The following LCT variants were observed in gnomAD, a reference collection of about 807,000 sequenced individuals.
LCT encodes the protein lactase.
LCT carries 90 observed loss-of-function variants against 173.0 expected under a neutral mutation model. The ratio of observed to expected loss-of-function variants is 0.52; its 90% CI spans 0.44 to 0.62. The LOEUF is 0.62. Ranked by LOEUF, LCT falls within the 20% of genes least tolerant of loss-of-function variation. LCT has a pLI of 0.00. For missense variants in LCT, 1,864 were observed against 2,431.4 expected (o/e 0.77, Z 4.91); for synonymous variants, 853 against 957.6 (o/e 0.89, Z 2.02).
At chr2:135,819,946 G>A (rs1276808401) in intron 5 of LCT, among the ~76,000 whole-genome samples, 1 of 152,118 alleles carries the variant, frequency 6.6e-6, no homozygotes, top group Non-Finnish European at 1.5e-5. Context: ...GGGAACCCTG[G>A]GTTTGCCGGC....
Position 135,808,411 on chromosome 2 carries a change from AT to A in LCT, c.3904+31del, listed in dbSNP as rs764994458. ...CATATGACCCAGGGAATGTTGGAAG[AT>A]TTCTTTAAGGGGAACTGAACCCTCA... is the stretch of plus-strand genomic sequence containing the variant. On this transcript the variant is annotated intron_variant, in intron 8 of 16. Transcript: ENST00000264162. 2.6e-6 allele frequency: 4 copies of A among 1,547,618 alleles called. No homozygotes were observed. The Admixed American group carries it at 5.0e-5, about 19-fold the overall frequency.
chr2:135,804,230 A>C, intron 10 of LCT, 102 bp from the exon 11 acceptor site: 1 of 917,786 alleles, frequency 1.1e-6, no homozygotes, highest in Non-Finnish European at 1.8e-6. Context: ...CCTGAGAGTG[A>C]CTTATGAGAC....
chr2:135,832,180 C>A (rs996725854), intron 2 of LCT, among the ~76,000 whole-genome samples: 4 of 151,772 alleles, frequency 2.6e-5, no homozygotes, highest in Admixed American at 1.3e-4. Flanking sequence ...CGTGCCACTG[C>A]ACTCCAGCCT....
chr2:135,800,467 C>T, intron 12 of LCT, 140 bp downstream of exon 12: 1 of 765,032 alleles, frequency 1.3e-6, no homozygotes, highest in South Asian at 1.5e-5. Flanking sequence ...TCAAGAAATC[C>T]TCCTGCCTCA....
chr2:135,792,463 G>A (rs2077540106), intron 14 of LCT, among the ~76,000 whole-genome samples: 1 of 152,232 alleles, frequency 6.6e-6, no homozygotes, highest in Non-Finnish European at 1.5e-5. Flanking sequence ...GGGCAGGTGG[G>A]GAGGGGCAAG....
At chr2:135,834,787 CAAAAAAAAAAA>C (rs60298631) in intron 1 of LCT, among the ~76,000 whole-genome samples, 3 of 34,166 alleles carry the variant, frequency 8.8e-5, no homozygotes, top group African/African-American at 2.0e-4. Context: ...GACTCCATCT[CAAAAAAAAAAA>C]AAAAAAAAAA....
In LCT at chr2:135,804,750, G is replaced by A. The variant is rs117835477; in HGVS notation, c.4464+17C>T. 6.2e-7 allele frequency: 1 copy of A among 1,611,680 alleles called. No individual in the cohort carries two copies. Among genetic ancestry groups the A allele is most frequent in the East Asian group, 2.2e-5 (1 of 44,902 alleles). ...TGCATGTGGACTTTCCCAAGGCCTT[G>A]CCAGGACCCACCATACCTGGGGCTG... On this transcript the variant is annotated intron_variant, in intron 10 of 16. Transcript: ENST00000264162.
rs1215950167 is a variant in LCT at position 135,809,827 on chromosome 2, G to A, written c.2520C>T (p.Ser840=). Residue 840 remains serine, a synonymous_variant, in exon 8 of 17, where the codon AGC becomes AGT. Coordinates refer to ENST00000264162, the MANE Select transcript of LCT (RefSeq NM_002299.4). The surrounding 1 kb of genome is among the most constrained non-coding windows in gnomAD (Gnocchi z 5.5). ...TGAGGAAACCGTTCTTTTCTATGAT[G>A]CTAGTGAAAAAGTAGGCAGATTTCC... ...TPRKSAYFFT[S]IIEKNGFLTK... The A allele has an allele frequency of 6.2e-7, 1 of 1,614,140 alleles. No homozygotes were observed. The highest frequency in any genetic ancestry group is 1.1e-5 in the South Asian group (1 of 91,078).
chr2:135,791,640 T>C (rs2077534009), intron 14 of LCT, among the ~76,000 whole-genome samples: 1 of 152,170 alleles, frequency 6.6e-6, no homozygotes, highest in East Asian at 1.9e-4. Context: ...TCATAAGCAC[T>C]AGTGGAGGTC....
At chr2:135,825,462 C>G (rs1234530846) in intron 3 of LCT, among the ~76,000 whole-genome samples, 2 of 152,184 alleles carry the variant, frequency 1.3e-5, no homozygotes, top group African/African-American at 2.4e-5. Flanking sequence ...TTTTCTCCTT[C>G]CTGAAAGACG....
At chr2:135,798,540 AG>A (rs1321994585) in intron 12 of LCT, among the ~76,000 whole-genome samples, 1 of 152,216 alleles carries the variant, frequency 6.6e-6, no homozygotes, top group African/African-American at 2.4e-5. Context: ...TCCTCATCAA[AG>A]TGCCCAAGGA....
At chr2:135,793,365 G>A (rs887006314) in intron 14 of LCT, among the ~76,000 whole-genome samples, 3 of 152,150 alleles carry the variant, frequency 2.0e-5, no homozygotes, top group African/African-American at 7.2e-5. Flanking sequence ...GACCCAGAAG[G>A]GCAATGGCAA....
chr2:135,807,964 C>T (rs1234404009), intron 8 of LCT, among the ~76,000 whole-genome samples: 43 of 151,798 alleles, frequency 2.8e-4, no homozygotes, highest in Admixed American at 2.8e-3. Context: ...CCCATCTCTA[C>T]CAAAAATACA....
In LCT at chr2:135,812,667, A is replaced by G; in HGVS notation, c.1997T>C (p.Phe666Ser). The change falls in exon 7 of 17, where the codon TTC becomes TCC. Residue 666 changes from phenylalanine (F) to serine (S), a missense_variant. Around this residue, in one of 4 missense-constraint regions of LCT, gnomAD observed 755 missense variants for 926.3 expected, o/e 0.82. Coordinates refer to ENST00000264162, the MANE Select transcript of LCT (RefSeq NM_002299.4). ...CSHPVAQLPE[F>S]TEAEKQLLKG... ...CAGGAGCTGCTTCTCTGCCTCTGTG[A>G]ACTCGGGGAGTTGAGCCACAGGATG... 2.5e-6 allele frequency: 4 copies of G among 1,613,158 alleles called. No individual in the cohort carries two copies. Among genetic ancestry groups the G allele is most frequent in the Non-Finnish European group, 3.4e-6 (4 of 1,179,088 alleles).
In LCT at chr2:135,789,818, T is replaced by TA. The variant is rs1224931378; in HGVS notation, c.5336-21dup. 6.3e-7 allele frequency: 1 copy of TA among 1,597,558 alleles called. No individual in the cohort carries two copies. Among genetic ancestry groups the TA allele is most frequent in the Non-Finnish European group, 8.6e-7 (1 of 1,164,922 alleles). Reference sequence around the variant, plus strand: ...GCACAGCTGCTCAAACACAGAGGACTAGGCATAAGTTTCCTATCTCATAAG... The same window carrying TA: ...GCACAGCTGCTCAAACACAGAGGACTAAGGCATAAGTTTCCTATCTCATAAG... On this transcript the variant is annotated intron_variant, in intron 15 of 16. Transcript: ENST00000264162.
At chr2:135,794,863 T>G in intron 13 of LCT, 88 bp from the exon 14 acceptor site, 1 of 1,490,270 alleles carries the variant, frequency 6.7e-7, no homozygotes, top group Non-Finnish European at 9.4e-7. Flanking sequence ...GGGGGAGCTC[T>G]CCGAACCCCA....
intron 4 of LCT, among the ~76,000 whole-genome samples, chr2:135,823,386 T>C (rs1394339079): frequency 6.6e-6 from 1 of 152,198 alleles, no homozygotes; most frequent in Non-Finnish European, 1.5e-5. Flanking sequence ...TTTCAAGAAT[T>C]TGAACTAAGA....
intron 1 of LCT, among the ~76,000 whole-genome samples, chr2:135,836,122 A>T (rs1679366424): frequency 6.6e-6 from 1 of 150,794 alleles, no homozygotes; most frequent in Non-Finnish European, 1.5e-5. Context: ...GGGTTCAAGC[A>T]ATTCTCCTGC....
chr2:135,790,774 T>G lies in LCT; in HGVS notation c.5219A>C (p.Tyr1740Ser). 6.2e-7 allele frequency: 1 copy of G among 1,613,946 alleles called. No individual in the cohort carries two copies. Among genetic ancestry groups the G allele is most frequent in the Non-Finnish European group, 8.5e-7 (1 of 1,179,886 alleles). Reference sequence around the variant, plus strand: ...TGTGACATAAATTGGAGGGTCATTGTATTCCTCCTTTAACCAGTTCAGGAT... The same window carrying G: ...TGTGACATAAATTGGAGGGTCATTGGATTCCTCCTTTAACCAGTTCAGGAT... ...RRILNWLKEE[Y>S]NDPPIYVTEN... Residue 1740 changes from tyrosine (Y) to serine (S), a missense_variant, in exon 15 of 17, where the codon TAC becomes TCC. Coordinates refer to ENST00000264162, the MANE Select transcript of LCT (RefSeq NM_002299.4). The surrounding 1 kb of genome is among the most constrained non-coding windows in gnomAD (Gnocchi z 4.1).
Sources: allele counts gnomAD v4.1 joint callset (sites outside exome capture counted in the v4.1 genomes callset), GRCh38; gene constraint gnomAD v4.1.1; regional missense constraint gnomAD v4.1.1; non-coding constraint Gnocchi (gnomAD v3.1); transcripts MANE v1.5; gene names NCBI Gene and HGNC (gene_info 2026-07-23, HGNC 2026-07-21).